Variants in KIAA0825 observed in about 807,000 individuals in gnomAD.
The protein encoded by KIAA0825 is KIAA0825, also known as uncharacterized protein KIAA0825.
In KIAA0825, 119 loss-of-function variants were observed where a neutral mutation model predicts 147.6. The observed-to-expected ratio is 0.81, with a 90% CI of 0.69 to 0.94. KIAA0825 has a LOEUF of 0.94. Ranked by LOEUF, KIAA0825 falls within the 40% of genes least tolerant of loss-of-function variation. The pLI is 0.00. For missense variants in KIAA0825, 1,381 were observed against 1,472.7 expected (o/e 0.94, Z 1.02); for synonymous variants, 470 against 518.1 (o/e 0.91, Z 1.26).
intron 20 of KIAA0825, among the ~76,000 whole-genome samples, chr5:94,226,863 G>A (rs1470171791): frequency 6.6e-6 from 1 of 152,032 alleles, no homozygotes. Flanking sequence ...TCTCACGCCA[G>A]TTAGAATGGC....
At chr5:94,370,955 T>C (rs1191309202) in intron 20 of KIAA0825, among the ~76,000 whole-genome samples, 1 of 151,856 alleles carries the variant, frequency 6.6e-6, no homozygotes, top group Non-Finnish European at 1.5e-5. Flanking sequence ...CGTAGTGTCA[T>C]AGCCTATTCC....
intron 20 of KIAA0825, among the ~76,000 whole-genome samples, chr5:94,274,573 A>G (rs956251268): frequency 1.3e-5 from 2 of 152,158 alleles, no homozygotes; most frequent in Non-Finnish European, 2.9e-5. Flanking sequence ...GATCGCCATA[A>G]TGAGGCTGAT....
chr5:94,576,826 A>G (rs772721407), intron 2 of KIAA0825, among the ~76,000 whole-genome samples: 3 of 152,232 alleles, frequency 2.0e-5, no homozygotes, highest in South Asian at 4.1e-4. Flanking sequence ...ATAGTTGTCT[A>G]CTAACATCTC....
intron 5 of KIAA0825, among the ~76,000 whole-genome samples, chr5:94,496,561 C>A (rs1023674204): frequency 6.6e-6 from 1 of 152,042 alleles, no homozygotes; most frequent in Non-Finnish European, 1.5e-5. Context: ...GTAGATGTAC[C>A]TGATAGCAAT....
intron 5 of KIAA0825, among the ~76,000 whole-genome samples, chr5:94,499,630 A>G (rs1463269577): frequency 6.9e-6 from 1 of 144,230 alleles, no homozygotes; most frequent in Non-Finnish European, 1.5e-5. Context: ...TGGAATCCCC[A>G]TTAATCTTAG....
rs183289365 is a variant in KIAA0825 at position 94,308,871 on chromosome 5, A to G, written c.3710+75497T>C. On this transcript the variant is annotated intron_variant, in intron 20 of 20. Transcript: ENST00000682413. Reference sequence around the variant, plus strand: ...CCAGAGGGAGAACTCTTTGCCATAGATCATTCCATTGAAATTGGATTTAAA... The same window carrying G: ...CCAGAGGGAGAACTCTTTGCCATAGGTCATTCCATTGAAATTGGATTTAAA... 2.6e-4 allele frequency among the ~76,000 whole-genome samples: 39 copies of G among 151,812 alleles called. 2 individuals are homozygous for G. In the East Asian group the frequency reaches 7.2e-3, roughly 28 times the overall value.
intron 20 of KIAA0825, among the ~76,000 whole-genome samples, chr5:94,365,231 T>C (rs1439441899): frequency 3.3e-5 from 5 of 152,186 alleles, no homozygotes; most frequent in Non-Finnish European, 7.4e-5. Flanking sequence ...GCTATTCTCC[T>C]TTCTCTTTCT....
At chr5:94,593,324 C>G (rs1209024504) in intron 1 of KIAA0825, 5 of 833,124 alleles carry the variant, frequency 6.0e-6, no homozygotes, top group Non-Finnish European at 1.1e-5. Flanking sequence ...AACTTGGAAA[C>G]CATCCAGAAC....
At chr5:94,371,210 T>G (rs1746659818) in intron 20 of KIAA0825, among the ~76,000 whole-genome samples, 2 of 152,168 alleles carry the variant, frequency 1.3e-5, no homozygotes. Flanking sequence ...TTTCACACTA[T>G]GAGGAGAAAA....
intron 3 of KIAA0825, among the ~76,000 whole-genome samples, chr5:94,533,368 C>T (rs1446268089): frequency 2.7e-5 from 4 of 148,806 alleles, no homozygotes; most frequent in Non-Finnish European, 6.0e-5. Flanking sequence ...CCACTGCCTC[C>T]TGGGTTCAAG....
chr5:94,404,803 T>C (rs1484667603), intron 15 of KIAA0825, among the ~76,000 whole-genome samples: 2 of 152,192 alleles, frequency 1.3e-5, no homozygotes, highest in Non-Finnish European at 2.9e-5. Context: ...TGCATCATTA[T>C]CTAATTAATT....
rs1309478599 is a variant in KIAA0825 at position 94,469,999 on chromosome 5, C to T, written c.1834G>A (p.Glu612Lys). Residue 612 changes from glutamate to lysine, a missense_variant, in exon 10 of 21, where the codon GAG becomes AAG. Coordinates refer to ENST00000682413, the MANE Select transcript of KIAA0825 (RefSeq NM_001145678.3). ...VCATSILQDA[E>K]SHHWDDYKAF... The stretch of plus-strand genomic sequence containing the variant: ...TTGTAGTCATCCCAGTGGTGGCTCT[C>T]AGCATCCTGTAAAATGCTTGTAGCA... 2.6e-5 allele frequency: 40 copies of T among 1,551,760 alleles called. No individual in the cohort carries two copies. Among genetic ancestry groups the T allele is most frequent in the Non-Finnish European group, 3.5e-5 (40 of 1,146,968 alleles).
In KIAA0825 at chr5:94,261,164, G is replaced by A. The variant is rs535846211; in HGVS notation, c.3711-107040C>T. On this transcript the variant is annotated intron_variant, in intron 20 of 20. Transcript: ENST00000682413. The stretch of plus-strand genomic sequence containing the variant: ...CAAAAATATTTAAAATTAGCTGGGC[G>A]TGGTGGTGCGTGCCTATAGTCCCAG... Among the ~76,000 whole-genome samples, 31 of 151,762 alleles carry A rather than the reference G, an allele frequency of 2.0e-4. 1 individual carries two copies. The South Asian group carries it at 6.3e-3, about 31-fold the overall frequency.
chr5:94,478,711 C>A (rs1762169494), intron 6 of KIAA0825, among the ~76,000 whole-genome samples: 1 of 151,834 alleles, frequency 6.6e-6, no homozygotes, highest in South Asian at 2.1e-4. Flanking sequence ...GAAATAAAAT[C>A]CAGATTAGTC....
At chr5:94,368,178 T>C (rs751271554) in intron 20 of KIAA0825, among the ~76,000 whole-genome samples, 49 of 152,172 alleles carry the variant, frequency 3.2e-4, no homozygotes, top group Non-Finnish European at 5.7e-4. Flanking sequence ...TATTTCTTTG[T>C]TTTAAAAATG....
chr5:94,360,783 G>T (rs1318569517), intron 20 of KIAA0825, among the ~76,000 whole-genome samples: 1 of 152,182 alleles, frequency 6.6e-6, no homozygotes, highest in East Asian at 1.9e-4. Flanking sequence ...TGAAAATGGG[G>T]AACCAGCAGC....
At chr5:94,267,962 T>C (rs755646019) in intron 20 of KIAA0825, among the ~76,000 whole-genome samples, 2 of 152,170 alleles carry the variant, frequency 1.3e-5, no homozygotes, top group Non-Finnish European at 2.9e-5. Flanking sequence ...TGGGATATAA[T>C]ATGTATCATT....
chr5:94,193,905 G>A (rs944561345), intron 20 of KIAA0825, among the ~76,000 whole-genome samples: 2 of 152,112 alleles, frequency 1.3e-5, no homozygotes, highest in African/African-American at 2.4e-5. Flanking sequence ...GTTCTAAAGG[G>A]GAATAAAGGA....
rs556103982 is a variant in KIAA0825, at chr5:94,251,176, G to T, written c.3711-97052C>A. ...CCTAGTTATCCCCCTGGTGGAGATGGTTGATTTGATAGAAGCACACAAAGG... is the reference window on the plus strand; with the variant it reads ...CCTAGTTATCCCCCTGGTGGAGATGTTTGATTTGATAGAAGCACACAAAGG... On this transcript the variant is annotated intron_variant, in intron 20 of 20. Coordinates refer to ENST00000682413, the MANE Select transcript of KIAA0825 (RefSeq NM_001145678.3). Among the ~76,000 whole-genome samples the T allele has an allele frequency of 5.9e-5, 9 of 152,172 alleles. No individual in the cohort carries two copies. In the South Asian group the frequency reaches 1.9e-3, roughly 32 times the overall value.
Sources: allele counts gnomAD v4.1 joint callset (sites outside exome capture counted in the v4.1 genomes callset), GRCh38; gene constraint gnomAD v4.1.1; transcripts MANE v1.5; gene names NCBI Gene and HGNC (gene_info 2026-07-23, HGNC 2026-07-21).